PJVK: variants seen among roughly 807,000 people sequenced by gnomAD.
PJVK encodes autosomal recessive deafness type 59 protein.
A neutral mutation model predicts 37.6 loss-of-function variants in PJVK; 33 were observed. The ratio of observed to expected loss-of-function variants is 0.88; its 90% confidence interval spans 0.67 to 1.17. The LOEUF (loss-of-function observed/expected upper bound fraction) is 1.17, where lower values mean the gene tolerates loss of function less well. PJVK is among the 50% of genes most tolerant of loss of function. The probability of loss-of-function intolerance (pLI) is 0.00; values close to 1 mark genes in which losing one functional copy is unlikely to be tolerated. For missense variants in PJVK, 410 were observed against 413.8 expected (o/e 0.99, Z 0.08); for synonymous variants, 141 against 143.5 (o/e 0.98, Z 0.13).
At chr2:178,455,025 G>A (rs1024386654) in intron 3 of PJVK, 18 of 1,111,506 alleles carry the variant, frequency 1.6e-5, no homozygotes, top group East Asian at 1.4e-4. Context: ...AGGGAAGGAC[G>A]TGGTGGTGGC....
intron 1 of PJVK, chr2:178,452,418 T>C (rs1697740156): frequency 1.0e-6 from 1 of 985,230 alleles, no homozygotes. Flanking sequence ...AATTAGAGCC[T>C]ATTCTCTCTT....
Position 178,461,399 on chromosome 2 carries a change from T to C in PJVK, c.*125T>C. 5.6e-6 allele frequency: 6 copies of C among 1,068,882 alleles called. No individual in the cohort carries two copies. Among genetic ancestry groups the C allele is most frequent in the African/African-American group, 1.6e-5 (1 of 63,424 alleles). The allele number at this position is 1,068,882 out of a possible 1,614,324, so 66.2% of individuals were successfully genotyped here. ...AGAAAAGCAAAAAGAAATTAACCTG[T>C]CTGGGTATCATATTCCCTATCTATA... On this transcript the variant is annotated 3_prime_UTR_variant, in exon 7 of 7. Transcript: ENST00000644580.
rs1697850810 is a variant in PJVK, at chr2:178,453,595, C to T, written c.186C>T (p.Leu62=). The change falls in exon 2 of 7, where the codon CTC becomes CTT. Residue 62 remains leucine (L), a synonymous_variant. Transcript: ENST00000644580. ...TSTPFTLKDI[L]LGDREISAGI... is the part of the protein sequence containing the mutation. ...CACCTTTTACACTGAAAGATATTCT[C>T]CTAGGAGACAGAGAAATTTCAGCTG... 6.2e-7 allele frequency: 1 copy of T among 1,613,282 alleles called. No homozygotes were observed. Among genetic ancestry groups the T allele is most frequent in the Admixed American group, 1.7e-5 (1 of 59,956 alleles).
At chr2:178,460,636 A>G (rs538915586) in intron 6 of PJVK, among the ~76,000 whole-genome samples, 190 bp downstream of exon 6, 5 of 152,222 alleles carry the variant, frequency 3.3e-5, no homozygotes, top group African/African-American at 1.2e-4. Context: ...AGCACTCAGA[A>G]GTTTGAAACA....
At chr2:178,453,714 AT>A in intron 2 of PJVK, 94 bp downstream of exon 2, 1 of 1,045,990 alleles carries the variant, frequency 9.6e-7, no homozygotes, top group Non-Finnish European at 1.4e-6. Flanking sequence ...AGTAATACAC[AT>A]TTTCAATGAT....
intron 2 of PJVK, chr2:178,453,988 T>C: frequency 3.2e-6 from 1 of 316,108 alleles, no homozygotes; most frequent in Non-Finnish European, 6.3e-6. Context: ...ATTATTACAA[T>C]TGGTAAACTG....
intron 4 of PJVK, among the ~76,000 whole-genome samples, chr2:178,457,043 A>C (rs1684149831): frequency 6.6e-6 from 1 of 151,946 alleles, no homozygotes; most frequent in African/African-American, 2.4e-5. Flanking sequence ...ATCTTGGCTC[A>C]CTGCAAACTC....
At chr2:178,453,742 A>G (rs1697864463) in intron 2 of PJVK, 122 bp downstream of exon 2, 5 of 805,650 alleles carry the variant, frequency 6.2e-6, no homozygotes, top group Non-Finnish European at 8.3e-6. Context: ...AACTTTTATT[A>G]TGATGTTAGT....
chr2:178,456,077 G>T lies in PJVK; in HGVS notation c.475G>T (p.Val159Phe). The T allele has an allele frequency of 6.2e-7, 1 of 1,614,184 alleles. No individual in the cohort carries two copies. The change falls in exon 4 of 7, where the codon GTC becomes TTC. Residue 159 changes from valine to phenylalanine, a missense_variant. Val to Phe is a conservative substitution (Grantham distance 50, BLOSUM62 -1). Coordinates refer to ENST00000644580, the MANE Select transcript of PJVK (RefSeq NM_001042702.5). ...CAGCAGAAAGGCAGTATTGTGTGTG[G>T]TCATGGAGAGCATCCGAACCACACG... ...RSSRKAVLCV[V>F]MESIRTTRQC... is the part of the protein sequence containing the mutation.
chr2:178,460,837 A>G, intron 6 of PJVK, 145 bp from the exon 7 acceptor site: 1 of 781,534 alleles, frequency 1.3e-6, no homozygotes, highest in Non-Finnish European at 1.9e-6. Context: ...TGACAGAGCC[A>G]GACCCTGTCT....
chr2:178,454,654 G>C (rs1697937615), intron 3 of PJVK, 127 bp downstream of exon 3: 2 of 1,430,380 alleles, frequency 1.4e-6, no homozygotes, highest in Admixed American at 4.0e-5. Flanking sequence ...AGATATGTTT[G>C]AAATACATTG....
Position 178,454,313 on chromosome 2 carries a change from T to G in PJVK, c.212-19T>G. On this transcript the variant is annotated intron_variant, in intron 2 of 6. Coordinates refer to ENST00000644580, the MANE Select transcript of PJVK (RefSeq NM_001042702.5). Reference sequence around the variant, plus strand: ...TAAGATAAAGATGTTTAAAAAATACTGAGTTTCTTCTTATAAAGGTATTTC... The same window carrying G: ...TAAGATAAAGATGTTTAAAAAATACGGAGTTTCTTCTTATAAAGGTATTTC... 6.3e-7 allele frequency: 1 copy of G among 1,594,350 alleles called. No homozygotes were observed. Among genetic ancestry groups the G allele is most frequent in the Non-Finnish European group, 8.6e-7 (1 of 1,164,788 alleles).
chr2:178,460,658 T>C lies in PJVK; in HGVS notation c.766+212T>C, dbSNP rs1443354048. Reference sequence around the variant, plus strand: ...AGAAGTTTGAAACACTTGGGCAATGTGAGAAAACCCCATCTGTACAAAGAA... The same window carrying C: ...AGAAGTTTGAAACACTTGGGCAATGCGAGAAAACCCCATCTGTACAAAGAA... On this transcript the variant is annotated intron_variant, in intron 6 of 6. Coordinates refer to ENST00000644580, the MANE Select transcript of PJVK (RefSeq NM_001042702.5). Among the ~76,000 whole-genome samples the C allele has an allele frequency of 3.3e-5, 5 of 151,978 alleles. No individual in the cohort carries two copies. In the East Asian group the frequency reaches 9.7e-4, roughly 29 times the overall value.
At chr2:178,458,167 C>G (rs1251801010) in intron 4 of PJVK, among the ~76,000 whole-genome samples, 1 of 151,538 alleles carries the variant, frequency 6.6e-6, no homozygotes, top group East Asian at 1.9e-4. Context: ...GGTAGACAGG[C>G]TAGGCTGAAA....
At chr2:178,460,059 T>C in intron 5 of PJVK, 2 of 364,388 alleles carry the variant, frequency 5.5e-6, no homozygotes, top group South Asian at 6.1e-5. Flanking sequence ...TTATAAAATA[T>C]ATGGAGTATT....
At chr2:178,452,145 T>C (rs1321360429) in intron 1 of PJVK, among the ~76,000 whole-genome samples, 1 of 151,826 alleles carries the variant, frequency 6.6e-6, no homozygotes, top group Non-Finnish European at 1.5e-5. Flanking sequence ...ATACAAAAAT[T>C]AGCCGGGCGT....
Position 178,458,646 on chromosome 2 carries a change from T to G in PJVK, c.667+19T>G. Reference sequence around the variant, plus strand: ...GCCTTTGGTGAGTTAAGGGTCTGCATGAAATACAAATGATTATATTTTTAA... The same window carrying G: ...GCCTTTGGTGAGTTAAGGGTCTGCAGGAAATACAAATGATTATATTTTTAA... On this transcript the variant is annotated intron_variant, in intron 5 of 6. Transcript: ENST00000644580. The G allele has an allele frequency of 1.3e-6, 2 of 1,538,972 alleles. No homozygotes were observed. The highest frequency in any genetic ancestry group is 1.8e-6 in the Non-Finnish European group (2 of 1,111,680).
chr2:178,457,521 CA>C (rs1171173786), intron 4 of PJVK, among the ~76,000 whole-genome samples: 1 of 152,306 alleles, frequency 6.6e-6, no homozygotes, highest in East Asian at 1.9e-4. Context: ...AAGGCTGAGG[CA>C]GGGGGCTGCC....
intron 4 of PJVK, among the ~76,000 whole-genome samples, chr2:178,457,700 C>T (rs942436345): frequency 6.6e-6 from 1 of 152,130 alleles, no homozygotes; most frequent in Non-Finnish European, 1.5e-5. Flanking sequence ...GCTCAGCTGA[C>T]GACCATGGGC....
Sources: gnomAD v4.1 joint callset for allele counts (sites outside exome capture counted in the v4.1 genomes callset) on GRCh38, gnomAD v4.1.1 for gene constraint, MANE v1.5 for transcripts, NCBI Gene and HGNC (gene_info 2026-07-23, HGNC 2026-07-21) for gene names.